Variants in SNTG1 observed in about 807,000 individuals in gnomAD.
SNTG1 encodes the protein gamma-1-syntrophin.
Under a neutral mutation model 74.7 loss-of-function variants are expected in SNTG1, and 39 were observed. The ratio of observed to expected loss-of-function variants is 0.52; its 90% confidence interval spans 0.40 to 0.68. The LOEUF (loss-of-function observed/expected upper bound fraction) is 0.68. Ranked by LOEUF, SNTG1 falls within the 30% of genes least tolerant of loss-of-function variation. The pLI is 0.00. For missense variants in SNTG1, 685 were observed against 609.5 expected (o/e 1.12, Z -1.30); for synonymous variants, 254 against 217.1 (o/e 1.17, Z -1.49).
intron 1 of SNTG1, among the ~76,000 whole-genome samples, chr8:49,958,169 C>A (rs1226204572): frequency 6.6e-6 from 1 of 152,118 alleles, no homozygotes; most frequent in Non-Finnish European, 1.5e-5. Flanking sequence ...AAGGAAGATG[C>A]AGAGGCCCAC....
chr8:50,088,793 G>T (rs962187200), intron 1 of SNTG1, among the ~76,000 whole-genome samples: 1 of 148,484 alleles, frequency 6.7e-6, no homozygotes, highest in Non-Finnish European at 1.5e-5. Context: ...ATGCTCATGG[G>T]TAGGAAGAAT....
At chr8:50,108,885 C>T (rs975032637) in intron 1 of SNTG1, among the ~76,000 whole-genome samples, 32 of 152,046 alleles carry the variant, frequency 2.1e-4, no homozygotes, top group African/African-American at 7.2e-4. Flanking sequence ...AGGCCAGAGA[C>T]CCAGGAATTT....
Position 50,068,753 on chromosome 8 carries a change from T to C in SNTG1, c.-102-103808T>C, listed in dbSNP as rs146118169. On this transcript the variant is annotated intron_variant, in intron 1 of 18. Coordinates refer to ENST00000642720, the MANE Select transcript of SNTG1 (RefSeq NM_018967.5). ...CTGTAGTGCCTGAAACAATCCATGA[T>C]ATACTCTGTGGCTGCTGTTGAATGT... 2.6e-5 allele frequency among the ~76,000 whole-genome samples: 4 copies of C among 152,304 alleles called. No homozygotes were observed. The East Asian group carries it at 7.7e-4, about 29-fold the overall frequency.
chr8:50,165,374 T>C (rs944800118), intron 1 of SNTG1, among the ~76,000 whole-genome samples: 1 of 152,174 alleles, frequency 6.6e-6, no homozygotes, highest in Admixed American at 6.5e-5. Flanking sequence ...AGAAATCATT[T>C]TTGCAGGTAG....
chr8:50,636,535 A>C (rs1028629619), intron 13 of SNTG1, among the ~76,000 whole-genome samples: 1 of 152,102 alleles, frequency 6.6e-6, no homozygotes, highest in Non-Finnish European at 1.5e-5. Context: ...AGTTCTACTA[A>C]TGTTGGCAGG....
chr8:50,117,769 T>C (rs2131340651), intron 1 of SNTG1, among the ~76,000 whole-genome samples: 1 of 152,310 alleles, frequency 6.6e-6, no homozygotes, highest in South Asian at 2.1e-4. Context: ...TACTAGCAAC[T>C]GAAAAGTCCC....
intron 1 of SNTG1, among the ~76,000 whole-genome samples, chr8:49,947,663 A>T (rs552675788): frequency 6.6e-6 from 1 of 152,318 alleles, no homozygotes; most frequent in South Asian, 2.1e-4. Context: ...AGACTTTTTA[A>T]TCTCCTTGAG....
intron 1 of SNTG1, among the ~76,000 whole-genome samples, chr8:49,926,003 A>T (rs544314723): frequency 6.6e-6 from 1 of 152,196 alleles, no homozygotes; most frequent in Non-Finnish European, 1.5e-5. Context: ...AGGTAGGTAG[A>T]CCAGGTACTA....
chr8:50,178,731 C>G (rs768773887), intron 2 of SNTG1, among the ~76,000 whole-genome samples: 1 of 152,040 alleles, frequency 6.6e-6, no homozygotes, highest in African/African-American at 2.4e-5. Flanking sequence ...TTTATCATAT[C>G]GAGATATATA....
At chr8:49,993,257 T>A (rs897411483) in intron 1 of SNTG1, among the ~76,000 whole-genome samples, 17 of 152,226 alleles carry the variant, frequency 1.1e-4, no homozygotes, top group Non-Finnish European at 1.9e-4. Context: ...AGGGGGGCAC[T>A]TTACAAGGTT....
At chr8:50,394,387 C>G in intron 3 of SNTG1, 122 bp downstream of exon 3, 2 of 893,826 alleles carry the variant, frequency 2.2e-6, no homozygotes, top group Non-Finnish European at 3.4e-6. Context: ...AGGATGGGCT[C>G]TTTTTCCTTC....
intron 11 of SNTG1, among the ~76,000 whole-genome samples, chr8:50,546,621 G>C (rs2094390261): frequency 6.7e-6 from 1 of 150,110 alleles, no homozygotes; most frequent in South Asian, 2.1e-4. Flanking sequence ...GTATGAGTGA[G>C]AACATGCGGT....
At chr8:50,384,673 A>G (rs1323428114) in intron 2 of SNTG1, among the ~76,000 whole-genome samples, 1 of 152,130 alleles carries the variant, frequency 6.6e-6, no homozygotes, top group Admixed American at 6.5e-5. Context: ...GTGCAGAACC[A>G]TCTCTAACCC....
At chr8:50,501,842 T>G (rs577627987) in intron 8 of SNTG1, among the ~76,000 whole-genome samples, 1 of 152,206 alleles carries the variant, frequency 6.6e-6, no homozygotes, top group South Asian at 2.1e-4. Flanking sequence ...ACAAGTTTTC[T>G]ATGTATTTAA....
intron 12 of SNTG1, among the ~76,000 whole-genome samples, chr8:50,583,266 G>A (rs10087387): frequency 0.1 from 15,890 of 151,892 alleles, 2,048 homozygotes; most frequent in African/African-American, 0.29. Context: ...ATCAGGGCAT[G>A]GTGGCGGCGC....
At chr8:50,644,957 T>C (rs2131195027) in intron 13 of SNTG1, among the ~76,000 whole-genome samples, 1 of 151,352 alleles carries the variant, frequency 6.6e-6, no homozygotes, top group Admixed American at 6.6e-5. Flanking sequence ...AGGTCCGCTA[T>C]GTTGCCGAGG....
intron 12 of SNTG1, among the ~76,000 whole-genome samples, chr8:50,562,549 CCT>C (rs768021080): frequency 1.2e-4 from 18 of 152,134 alleles, no homozygotes; most frequent in South Asian, 2.1e-4. Context: ...CAATTTCTCC[CCT>C]GTTTGATTCA....
chr8:50,533,489 A>G (rs1281881188), intron 10 of SNTG1, among the ~76,000 whole-genome samples: 1 of 152,232 alleles, frequency 6.6e-6, no homozygotes, highest in African/African-American at 2.4e-5. Context: ...GAGTAGAGCT[A>G]TTGAAAAATA....
chr8:50,013,456 G>A (rs1816007560), intron 1 of SNTG1, among the ~76,000 whole-genome samples: 1 of 143,562 alleles, frequency 7.0e-6, no homozygotes, highest in Admixed American at 7.3e-5. Context: ...CTCCAGAATG[G>A]GGATAGAGAG....
Sources: allele counts gnomAD v4.1 joint callset (sites outside exome capture counted in the v4.1 genomes callset), GRCh38; gene constraint gnomAD v4.1.1; transcripts MANE v1.5; gene names NCBI Gene and HGNC (gene_info 2026-07-23, HGNC 2026-07-21).